CNTLN: variants seen among roughly 807,000 people sequenced by gnomAD.
CNTLN encodes the protein centlein, also known as centlein, centrosomal protein.
CNTLN carries 212 observed loss-of-function variants against 180.0 expected under a neutral mutation model. The observed-to-expected ratio is 1.18, with a 90% confidence interval of 1.05 to 1.32. The LOEUF is 1.32. Among genes scored for constraint, CNTLN ranks in the 40% most tolerant of loss-of-function variants. The pLI is 0.00. For missense variants in CNTLN, 2,095 were observed against 1,610.9 expected (o/e 1.30, Z -5.14); for synonymous variants, 722 against 563.1 (o/e 1.28, Z -3.99).
Position 17,311,925 on chromosome 9 carries a change from C to T in CNTLN, c.1341+2673C>T, listed in dbSNP as rs552892240. On this transcript the variant is annotated intron_variant, in intron 8 of 25. Coordinates refer to ENST00000380647, the MANE Select transcript of CNTLN (RefSeq NM_017738.4). Reference sequence around the variant, plus strand: ...AGAAGAAGTTGGAGGACTTACACTCCCTGATTTAAGACTTATTTATTGAGC... The same window carrying T: ...AGAAGAAGTTGGAGGACTTACACTCTCTGATTTAAGACTTATTTATTGAGC... 3.0e-4 allele frequency among the ~76,000 whole-genome samples: 45 copies of T among 152,076 alleles called. No homozygotes were observed. The South Asian group carries it at 9.1e-3, about 31-fold the overall frequency.
chr9:17,338,938 A>G (rs998907856), intron 10 of CNTLN, among the ~76,000 whole-genome samples: 9 of 152,210 alleles, frequency 5.9e-5, no homozygotes, highest in African/African-American at 1.9e-4. Flanking sequence ...TTAAATTGAA[A>G]TGAACAAAAT....
intron 23 of CNTLN, among the ~76,000 whole-genome samples, chr9:17,474,651 T>C (rs1229354997): frequency 2.6e-5 from 4 of 151,952 alleles, no homozygotes; most frequent in African/African-American, 7.3e-5. Context: ...GGTGGATCAC[T>C]TGAAGCCAGG....
intron 5 of CNTLN, among the ~76,000 whole-genome samples, chr9:17,237,812 G>T (rs192002087): frequency 6.6e-6 from 1 of 151,920 alleles, no homozygotes; most frequent in Non-Finnish European, 1.5e-5. Flanking sequence ...CATCTTTCTC[G>T]GTGTATAAAC....
chr9:17,372,879 T>C (rs530839495), intron 13 of CNTLN, among the ~76,000 whole-genome samples: 11 of 152,252 alleles, frequency 7.2e-5, no homozygotes, highest in South Asian at 4.1e-4. Flanking sequence ...ACAAAAACCA[T>C]AGGATCATTT....
At chr9:17,383,798 C>T (rs1461935157) in intron 13 of CNTLN, among the ~76,000 whole-genome samples, 3 of 151,722 alleles carry the variant, frequency 2.0e-5, no homozygotes, top group African/African-American at 7.3e-5. Flanking sequence ...CCACCATGCC[C>T]GACTAATTTT....
chr9:17,281,560 G>C (rs1244038213), intron 6 of CNTLN, among the ~76,000 whole-genome samples: 6 of 152,082 alleles, frequency 3.9e-5, no homozygotes, highest in Non-Finnish European at 7.3e-5. Context: ...TCCTGCGTTA[G>C]TTTGCTGACG....
At chr9:17,438,553 T>G (rs1587993381) in intron 18 of CNTLN, among the ~76,000 whole-genome samples, 1 of 152,046 alleles carries the variant, frequency 6.6e-6, no homozygotes, top group East Asian at 1.9e-4. Flanking sequence ...AATAAAATAT[T>G]AAAAAGGGCC....
intron 14 of CNTLN, 134 bp downstream of exon 14, chr9:17,388,387 A>G (rs1825850183): frequency 1.7e-6 from 1 of 594,382 alleles, no homozygotes; most frequent in Non-Finnish European, 2.9e-6. Flanking sequence ...ATTCAAAATC[A>G]TTGGCTTGCC....
At chr9:17,295,761 G>A (rs1478368944) in intron 6 of CNTLN, among the ~76,000 whole-genome samples, 10 of 152,068 alleles carry the variant, frequency 6.6e-5, no homozygotes, top group Non-Finnish European at 1.3e-4. Flanking sequence ...CAACATTGGT[G>A]TACATATCAT....
At position 17,235,536 on chromosome 9, in the gene CNTLN, A is replaced by G. The variant is rs570653609; in HGVS notation, c.535-122A>G. 4.1e-4 allele frequency: 315 copies of G among 764,102 alleles called. 1 individual carries two copies. Among genetic ancestry groups the G allele is most frequent in the Middle Eastern group, 4.1e-4 (1 of 2,442 alleles). The allele number at this position is 764,102 out of a possible 1,614,324, so 47.3% of individuals were successfully genotyped here. On this transcript the variant is annotated intron_variant, in intron 3 of 25. Transcript: ENST00000380647. ...TACAGGAGATGAGAATTGTGGTGAC[A>G]GACATTATTATGAAAGCTATTTAAT...
chr9:17,432,213 A>G (rs1399295006), intron 18 of CNTLN, among the ~76,000 whole-genome samples: 1 of 152,198 alleles, frequency 6.6e-6, no homozygotes, highest in Non-Finnish European at 1.5e-5. Flanking sequence ...AAAACAAAAA[A>G]CAAAATCCTT....
At chr9:17,454,922 G>C (rs1831023187) in intron 18 of CNTLN, among the ~76,000 whole-genome samples, 2 of 152,170 alleles carry the variant, frequency 1.3e-5, no homozygotes, top group Non-Finnish European at 2.9e-5. Context: ...TAATAGTAGA[G>C]AAATAGGAAT....
intron 2 of CNTLN, among the ~76,000 whole-genome samples, chr9:17,213,873 C>G (rs993781000): frequency 6.6e-6 from 1 of 152,156 alleles, no homozygotes; most frequent in African/African-American, 2.4e-5. Flanking sequence ...ACCAGGATTG[C>G]AACCCCTGCC....
intron 5 of CNTLN, among the ~76,000 whole-genome samples, chr9:17,259,150 C>G (rs1237470314): frequency 6.8e-6 from 1 of 147,448 alleles, no homozygotes; most frequent in Non-Finnish European, 1.5e-5. Context: ...TACGTCCCAT[C>G]AATACCTAAT....
At chr9:17,476,135 T>C (rs1419532936) in intron 23 of CNTLN, among the ~76,000 whole-genome samples, 7 of 152,156 alleles carry the variant, frequency 4.6e-5, no homozygotes, top group Non-Finnish European at 1.0e-4. Context: ...GTTATGGTGT[T>C]CTGTGATCAT....
intron 8 of CNTLN, among the ~76,000 whole-genome samples, chr9:17,310,850 G>A (rs892307399): frequency 5.3e-5 from 8 of 151,890 alleles, no homozygotes; most frequent in South Asian, 2.1e-4. Context: ...TGAACTATCT[G>A]TTTATGTCTT....
chr9:17,137,484 C>T (rs1817799069), intron 1 of CNTLN, among the ~76,000 whole-genome samples: 2 of 152,032 alleles, frequency 1.3e-5, no homozygotes, highest in African/African-American at 4.8e-5. Flanking sequence ...AATTACAACT[C>T]GAAGTAAAAT....
chr9:17,346,625 A>G (rs1351157576), intron 12 of CNTLN, among the ~76,000 whole-genome samples: 1 of 152,158 alleles, frequency 6.6e-6, no homozygotes, highest in Non-Finnish European at 1.5e-5. Flanking sequence ...GTAATGCATC[A>G]TTCTGTTTAC....
chr9:17,326,194 G>A (rs562778427), intron 8 of CNTLN, among the ~76,000 whole-genome samples: 15 of 152,126 alleles, frequency 9.9e-5, no homozygotes, highest in Non-Finnish European at 1.6e-4. Context: ...CTTTAGCCGT[G>A]TAGTCAGTCC....
Sources: gnomAD v4.1 joint callset for allele counts (sites outside exome capture counted in the v4.1 genomes callset) on GRCh38, gnomAD v4.1.1 for gene constraint, MANE v1.5 for transcripts, NCBI Gene and HGNC (gene_info 2026-07-23, HGNC 2026-07-21) for gene names.